The following NPAS3 variants were observed in gnomAD, a reference collection of about 807,000 sequenced individuals.
NPAS3 encodes the protein neuronal PAS domain-containing protein 3.
NPAS3 carries 14 observed loss-of-function variants against 73.1 expected under a neutral mutation model. That is an observed-to-expected ratio of 0.19 (90% CI 0.13 to 0.30). The LOEUF (loss-of-function observed/expected upper bound fraction) is 0.30, where lower values mean the gene tolerates loss of function less well. NPAS3 is among the 10% of genes least tolerant of loss of function. The pLI, the probability that NPAS3 is intolerant of heterozygous loss-of-function variation, is 1.00. For missense variants in NPAS3, 1,096 were observed against 1,250.0 expected (o/e 0.88, Z 1.86); for synonymous variants, 620 against 541.5 (o/e 1.14, Z -2.01).
chr14:33,268,365 G>C (rs574368597), intron 3 of NPAS3, among the ~76,000 whole-genome samples: 2 of 152,040 alleles, frequency 1.3e-5, no homozygotes, highest in Non-Finnish European at 2.9e-5. Flanking sequence ...AGAAGATTTT[G>C]TAAATAAAAC....
intron 4 of NPAS3, among the ~76,000 whole-genome samples, chr14:33,501,276 G>A (rs1219387389): frequency 6.6e-6 from 1 of 151,816 alleles, no homozygotes; most frequent in Non-Finnish European, 1.5e-5. Context: ...ATAATAAAAG[G>A]AGCAATACCC....
chr14:33,776,521 T>TAAAAAAAAAA lies in NPAS3; in HGVS notation c.1047-1914_1047-1905dup, dbSNP rs552348267. ...CTGCTTTTGGCGTTTTTCTTCCTCT[T>TAAAAAAAAAA]AAAAAAAAAAAAAAAAAAAAAAAAA... On this transcript the variant is annotated intron_variant, in intron 8 of 11. Coordinates refer to ENST00000356141, the Ensembl canonical transcript of NPAS3. Among the ~76,000 whole-genome samples, 3 of 32,060 alleles carry TAAAAAAAAAA rather than the reference T, an allele frequency of 9.4e-5. 1 individual carries two copies. Among genetic ancestry groups the TAAAAAAAAAA allele is most frequent in the Non-Finnish European group, 1.8e-4 (3 of 17,030 alleles). 21.0% of individuals were successfully genotyped at this position (32,060 alleles called of 152,430 possible). A position where few individuals can be genotyped will look rare whatever the true frequency, so the allele number is the denominator to read the frequency against.
intron 2 of NPAS3, among the ~76,000 whole-genome samples, chr14:33,119,789 G>A (rs2043176235): frequency 6.6e-6 from 1 of 152,114 alleles, no homozygotes; most frequent in Non-Finnish European, 1.5e-5. Context: ...GGTAGGTGAT[G>A]TTGACTGTTT....
chr14:33,718,495 G>A (rs1368701989), intron 6 of NPAS3, among the ~76,000 whole-genome samples: 4 of 152,074 alleles, frequency 2.6e-5, no homozygotes, highest in Non-Finnish European at 5.9e-5. Context: ...AAATTTATCA[G>A]CCTAGAAATC....
rs183445112 is a variant in NPAS3, at chr14:33,119,294, G to A, written c.140+63300G>A. Among the ~76,000 whole-genome samples, 12 of 152,000 alleles carry A rather than the reference G, an allele frequency of 7.9e-5. No individual in the cohort carries two copies. The East Asian group carries it at 9.7e-4, about 12-fold the overall frequency. ...GAGGATTTGTTTTTTTTCCACTGCC[G>A]TTATTTCTTAAAGGAGTTTAGATCA... is the stretch of plus-strand genomic sequence containing the variant. On this transcript the variant is annotated intron_variant, in intron 2 of 11. Transcript: ENST00000356141.
intron 5 of NPAS3, among the ~76,000 whole-genome samples, chr14:33,580,039 C>T (rs924421902): frequency 1.9e-4 from 29 of 152,276 alleles, no homozygotes; most frequent in African/African-American, 6.7e-4. Flanking sequence ...ACCTTTGTTA[C>T]TCATACAATA....
intron 1 of NPAS3, among the ~76,000 whole-genome samples, chr14:32,971,986 A>T (rs1391114885): frequency 1.5e-5 from 2 of 132,208 alleles, no homozygotes; most frequent in South Asian, 2.5e-4. Context: ...TCGACCAGGC[A>T]GGAGTGCAGT....
At chr14:33,290,712 G>A (rs1408676001) in intron 3 of NPAS3, among the ~76,000 whole-genome samples, 1 of 152,156 alleles carries the variant, frequency 6.6e-6, no homozygotes, top group Non-Finnish European at 1.5e-5. Context: ...TTTTTTAAAG[G>A]TGGTTTGCTT....
chr14:33,537,745 C>A (rs555719763), intron 4 of NPAS3, among the ~76,000 whole-genome samples: 4 of 152,294 alleles, frequency 2.6e-5, no homozygotes, highest in African/African-American at 9.6e-5. Context: ...AGTAGGGACC[C>A]ATTTGACATT....
At chr14:33,470,021 C>A (rs976474294) in intron 4 of NPAS3, among the ~76,000 whole-genome samples, 3 of 152,124 alleles carry the variant, frequency 2.0e-5, no homozygotes, top group Admixed American at 6.5e-5. Flanking sequence ...TGCTGATTGA[C>A]CCTGCCTATC....
exon 2 of NPAS3, chr14:33,055,940 A>C: frequency 1.2e-6 from 1 of 810,398 alleles, no homozygotes; most frequent in Non-Finnish European, 2.1e-6. Context: ...AACCAATCAG[A>C]ATGTAGGAAA....
At chr14:33,203,439 T>C (rs2046697977) in intron 2 of NPAS3, among the ~76,000 whole-genome samples, 1 of 152,204 alleles carries the variant, frequency 6.6e-6, no homozygotes, top group African/African-American at 2.4e-5. Context: ...GTCATTTACA[T>C]GAGGTATATC....
At chr14:33,698,643 C>A (rs562678875) in intron 6 of NPAS3, among the ~76,000 whole-genome samples, 2 of 152,178 alleles carry the variant, frequency 1.3e-5, no homozygotes, top group African/African-American at 4.8e-5. Context: ...CTCCCCTAAA[C>A]GTTAGCTTTA....
At chr14:33,621,595 T>C (rs2058076552) in intron 5 of NPAS3, among the ~76,000 whole-genome samples, 1 of 152,134 alleles carries the variant, frequency 6.6e-6, no homozygotes, top group Admixed American at 6.5e-5. Flanking sequence ...GTTCCAAAAT[T>C]GGCTAATATG....
intron 1 of NPAS3, among the ~76,000 whole-genome samples, chr14:33,030,999 ATC>A (rs2039969508): frequency 6.6e-6 from 1 of 152,158 alleles, no homozygotes; most frequent in African/African-American, 2.4e-5. Flanking sequence ...TCTTTATTCA[ATC>A]TCCGTATGAG....
intron 4 of NPAS3, among the ~76,000 whole-genome samples, chr14:33,511,500 ATTACCT>A (rs2053049558): frequency 6.6e-6 from 1 of 152,190 alleles, no homozygotes; most frequent in Admixed American, 6.5e-5. Context: ...CAGCACAAAA[ATTACCT>A]TTATTTCAAA....
intron 3 of NPAS3, among the ~76,000 whole-genome samples, chr14:33,270,426 T>C (rs976508834): frequency 1.3e-5 from 2 of 152,194 alleles, no homozygotes; most frequent in Non-Finnish European, 2.9e-5. Context: ...ATGATATTTA[T>C]AGTTATTAAC....
chr14:33,191,006 A>T (rs1475961194), intron 2 of NPAS3, among the ~76,000 whole-genome samples: 1 of 152,138 alleles, frequency 6.6e-6, no homozygotes, highest in Non-Finnish European at 1.5e-5. Context: ...AAGTCACATG[A>T]TGTATTCAGA....
At chr14:33,211,142 A>G (rs930541366) in intron 2 of NPAS3, among the ~76,000 whole-genome samples, 2 of 152,242 alleles carry the variant, frequency 1.3e-5, no homozygotes, top group Non-Finnish European at 2.9e-5. Context: ...CGACAACTTT[A>G]TAAAGTAGAG....
Sources: allele counts gnomAD v4.1 joint callset (sites outside exome capture counted in the v4.1 genomes callset), GRCh38; gene constraint gnomAD v4.1.1; transcripts MANE v1.5; gene names NCBI Gene and HGNC (gene_info 2026-07-23, HGNC 2026-07-21).